Variants in BACH2 observed in about 807,000 individuals in gnomAD.
The protein encoded by BACH2 is BACH transcriptional regulator 2, also known as transcription regulator protein BACH2.
BACH2 carries 5 observed loss-of-function variants against 61.8 expected under a neutral mutation model. The observed-to-expected ratio is 0.08, with a 90% CI of 0.04 to 0.17. The LOEUF is 0.17. Ranked by LOEUF, BACH2 falls within the 10% of genes least tolerant of loss-of-function variation. The pLI, the probability that BACH2 is intolerant of heterozygous loss-of-function variation, is 1.00. For missense variants in BACH2, 824 were observed against 1,091.1 expected (o/e 0.76, Z 3.45); for synonymous variants, 446 against 440.1 (o/e 1.01, Z -0.17).
At chr6:90,129,025 A>G (rs1783987816) in intron 4 of BACH2, among the ~76,000 whole-genome samples, 1 of 152,036 alleles carries the variant, frequency 6.6e-6, no homozygotes, top group South Asian at 2.1e-4. Context: ...GAACACTTGG[A>G]CACAGGAAGG....
chr6:90,016,539 G>C (rs1459162575), intron 5 of BACH2, among the ~76,000 whole-genome samples: 1 of 152,132 alleles, frequency 6.6e-6, no homozygotes, highest in Non-Finnish European at 1.5e-5. Flanking sequence ...ATCATACCAT[G>C]TCGTGTAAAG....
chr6:90,052,514 G>A (rs1222855421), intron 5 of BACH2, among the ~76,000 whole-genome samples: 2 of 152,120 alleles, frequency 1.3e-5, no homozygotes, highest in African/African-American at 2.4e-5. Flanking sequence ...CCGTCTCCTG[G>A]GTTCAAGCGA....
At chr6:90,257,094 T>C (rs1771002949) in intron 2 of BACH2, among the ~76,000 whole-genome samples, 2 of 152,260 alleles carry the variant, frequency 1.3e-5, no homozygotes, top group African/African-American at 4.8e-5. Context: ...AAATGTGGTA[T>C]ACTTACAGCC....
chr6:90,266,624 T>C (rs1221903188), intron 2 of BACH2, among the ~76,000 whole-genome samples: 2 of 152,082 alleles, frequency 1.3e-5, no homozygotes, highest in East Asian at 3.9e-4. Context: ...ACCTCAAAAA[T>C]GTTATGCTAA....
At chr6:89,942,084 C>T (rs910506155) in intron 7 of BACH2, among the ~76,000 whole-genome samples, 6 of 152,094 alleles carry the variant, frequency 3.9e-5, no homozygotes, top group Admixed American at 6.5e-5. Context: ...GTGAAAAAAA[C>T]CCCAACTCAC....
chr6:90,242,142 T>C (rs1362046097), intron 3 of BACH2, among the ~76,000 whole-genome samples: 1 of 152,144 alleles, frequency 6.6e-6, no homozygotes, highest in Non-Finnish European at 1.5e-5. Context: ...TCACTCTTTA[T>C]GTTACACAGT....
intron 5 of BACH2, among the ~76,000 whole-genome samples, chr6:90,068,777 A>G (rs1168501165): frequency 1.3e-5 from 2 of 152,096 alleles, no homozygotes; most frequent in Non-Finnish European, 2.9e-5. Context: ...GAAATTCAAC[A>G]TGTTCTAAGG....
intron 4 of BACH2, among the ~76,000 whole-genome samples, chr6:90,169,299 C>T (rs1307159631): frequency 6.6e-6 from 1 of 151,958 alleles, no homozygotes; most frequent in Admixed American, 6.6e-5. Context: ...GGAGAGTCTC[C>T]CCAATTTTTT....
At chr6:89,943,252 G>C (rs992255130) in intron 7 of BACH2, among the ~76,000 whole-genome samples, 7 of 152,244 alleles carry the variant, frequency 4.6e-5, no homozygotes, top group East Asian at 1.9e-4. Flanking sequence ...ACGAGGCAGA[G>C]GGGAGGCTGT....
intron 3 of BACH2, among the ~76,000 whole-genome samples, chr6:90,218,888 ATGGCCTGGGCTG>A (rs1476703073): frequency 6.6e-6 from 1 of 151,030 alleles, no homozygotes; most frequent in East Asian, 2.0e-4. Context: ...GTTGGGGGAC[ATGGCCTGGGCTG>A]TGAATTTCGG....
At chr6:90,095,577 A>G (rs915220920) in intron 4 of BACH2, among the ~76,000 whole-genome samples, 1 of 152,182 alleles carries the variant, frequency 6.6e-6, no homozygotes, top group Non-Finnish European at 1.5e-5. Context: ...AGGTTATCAG[A>G]TTTTCACTTC....
At chr6:90,115,546 A>T (rs1203802687) in intron 4 of BACH2, among the ~76,000 whole-genome samples, 1 of 152,332 alleles carries the variant, frequency 6.6e-6, no homozygotes, top group African/African-American at 2.4e-5. Flanking sequence ...CTTAAATGTA[A>T]AACTCCAAAC....
In BACH2 at chr6:89,932,167, A is replaced by C. The variant is rs1772690990; in HGVS notation, c.*241T>G. ...AAGACTGAAATTGAGCCACAGACAG[A>C]CAGTGTCATCACTGCTGTCTTTCCT... On this transcript the variant is annotated 3_prime_UTR_variant, in exon 9 of 9. Transcript: ENST00000257749. 4.3e-6 allele frequency: 2 copies of C among 469,978 alleles called. No homozygotes were observed. The highest frequency in any genetic ancestry group is 1.9e-5 in the African/African-American group (1 of 52,486). The allele number at this position is 469,978 out of a possible 1,614,324, so 29.1% of individuals were successfully genotyped here. A position where few individuals can be genotyped will look rare whatever the true frequency, so the allele number is the denominator to read the frequency against.
At chr6:90,081,062 G>C (rs1028991644) in intron 5 of BACH2, among the ~76,000 whole-genome samples, 1 of 152,122 alleles carries the variant, frequency 6.6e-6, no homozygotes, top group African/African-American at 2.4e-5. Flanking sequence ...TGAACGCAGC[G>C]AAAGCAAAAC....
intron 4 of BACH2, among the ~76,000 whole-genome samples, chr6:90,109,570 A>T (rs959968801): frequency 1.3e-5 from 2 of 152,150 alleles, no homozygotes; most frequent in African/African-American, 4.8e-5. Flanking sequence ...CTGAATTTCC[A>T]TATCCAATTT....
chr6:89,940,610 C>T (rs182942201), intron 7 of BACH2, among the ~76,000 whole-genome samples: 9 of 152,208 alleles, frequency 5.9e-5, no homozygotes, highest in East Asian at 1.9e-4. Context: ...TTTACATTCA[C>T]GTCTGCTCCG....
chr6:89,968,560 C>A (rs1201971340), intron 6 of BACH2, among the ~76,000 whole-genome samples: 2 of 152,192 alleles, frequency 1.3e-5, no homozygotes, highest in Non-Finnish European at 2.9e-5. Flanking sequence ...GATAAAACAT[C>A]ATTAGATCAC....
chr6:90,150,020 C>G (rs912542877), intron 4 of BACH2, among the ~76,000 whole-genome samples: 1 of 152,152 alleles, frequency 6.6e-6, no homozygotes, highest in Non-Finnish European at 1.5e-5. Context: ...CCTTCAAGCC[C>G]CCAGTACTTT....
At chr6:90,067,653 G>C (rs1332639517) in intron 5 of BACH2, among the ~76,000 whole-genome samples, 1 of 152,176 alleles carries the variant, frequency 6.6e-6, no homozygotes, top group African/African-American at 2.4e-5. Flanking sequence ...TATGAAATGA[G>C]AACATAGACT....
Sources: allele counts gnomAD v4.1 joint callset (sites outside exome capture counted in the v4.1 genomes callset), GRCh38; gene constraint gnomAD v4.1.1; transcripts MANE v1.5; gene names NCBI Gene and HGNC (gene_info 2026-07-23, HGNC 2026-07-21).